The following SNED1 variants were observed in gnomAD, a reference collection of about 807,000 sequenced individuals.
SNED1 encodes sushi, nidogen and EGF-like domain-containing protein 1.
SNED1 carries 81 observed loss-of-function variants against 166.7 expected under a neutral mutation model. The ratio of observed to expected loss-of-function variants is 0.49; its 90% CI spans 0.41 to 0.58. The LOEUF is 0.58. Ranked by LOEUF, SNED1 falls within the 20% of genes least tolerant of loss-of-function variation. The pLI is 0.00. For missense variants in SNED1, 1,604 were observed against 2,000.2 expected (o/e 0.80, Z 3.78); for synonymous variants, 762 against 822.0 (o/e 0.93, Z 1.25).
At chr2:241,067,096 G>A (rs1335890938) in intron 21 of SNED1, among the ~76,000 whole-genome samples, 1 of 152,244 alleles carries the variant, frequency 6.6e-6, no homozygotes, top group Non-Finnish European at 1.5e-5. Context: ...GCCCTCGGAA[G>A]GTATCTGGAG....
intron 6 of SNED1, among the ~76,000 whole-genome samples, chr2:241,038,560 C>T (rs1403869091): frequency 6.6e-6 from 1 of 152,220 alleles, no homozygotes; most frequent in African/African-American, 2.4e-5. Context: ...CCCAGTTATC[C>T]CTTGCTCCCC....
At chr2:241,055,308 C>A (rs1374940689) in intron 16 of SNED1, among the ~76,000 whole-genome samples, 1 of 152,046 alleles carries the variant, frequency 6.6e-6, no homozygotes, top group East Asian at 1.9e-4. Context: ...AAAGGGGAAA[C>A]AAACACCAGA....
chr2:241,037,895 G>C (rs1293177360), intron 6 of SNED1, among the ~76,000 whole-genome samples: 1 of 152,178 alleles, frequency 6.6e-6, no homozygotes, highest in Non-Finnish European at 1.5e-5. Flanking sequence ...GGTGGGGCCT[G>C]GAGTCCCTCT....
At chr2:241,067,698 T>C in intron 21 of SNED1, 66 bp from the exon 22 acceptor site, 1 of 1,405,972 alleles carries the variant, frequency 7.1e-7, no homozygotes, top group Non-Finnish European at 9.8e-7. Flanking sequence ...GGTTTCATCT[T>C]GAGCCCCTGC....
At chr2:241,072,142 G>C in intron 26 of SNED1, 1 of 688,730 alleles carries the variant, frequency 1.5e-6, no homozygotes, top group South Asian at 1.5e-5. Flanking sequence ...GCACGCAAGA[G>C]AAGATAAACA....
intron 1 of SNED1, among the ~76,000 whole-genome samples, chr2:241,026,128 G>C (rs2060962221): frequency 7.1e-6 from 1 of 141,242 alleles, no homozygotes; most frequent in Non-Finnish European, 1.5e-5. Context: ...CAATTCTCCT[G>C]CCTCAGCCTC....
intron 4 of SNED1, among the ~76,000 whole-genome samples, chr2:241,036,416 G>A (rs1027671427): frequency 6.3e-4 from 96 of 152,104 alleles, no homozygotes; most frequent in Non-Finnish European, 1.1e-3. Flanking sequence ...CTGACATGAC[G>A]GCTGAGTGCC....
At position 241,018,666 on chromosome 2, in the gene SNED1, G is replaced by A. The variant is rs990616858; in HGVS notation, c.214-11618G>A. ...AAGGCCAGCAGGAGCACCCGTGTGA[G>A]AGCCACAGAGACGCCCTGCTCCCAG... On this transcript the variant is annotated intron_variant, in intron 1 of 31. Coordinates refer to ENST00000310397, the MANE Select transcript of SNED1 (RefSeq NM_001080437.3). This position sits in a 1 kb window ranked among gnomAD's most constrained non-coding sequence, Gnocchi z 5.4. 6.6e-6 allele frequency among the ~76,000 whole-genome samples: 1 copy of A among 152,172 alleles called. No homozygotes were observed. Among genetic ancestry groups the A allele is most frequent in the East Asian group, 1.9e-4 (1 of 5,188 alleles).
intron 12 of SNED1, 47 bp downstream of exon 12, chr2:241,049,980 C>T (rs1374144373): frequency 1.4e-6 from 2 of 1,408,280 alleles, no homozygotes; most frequent in African/African-American, 2.8e-5. Context: ...CCCTGGAGAG[C>T]GCCCGCGGTC....
chr2:241,079,331 G>C (rs1172243435), intron 27 of SNED1, among the ~76,000 whole-genome samples: 1 of 150,378 alleles, frequency 6.6e-6, no homozygotes, highest in Admixed American at 6.6e-5. Flanking sequence ...AGAATGGCAT[G>C]AACCCAGGAG....
Position 241,036,832 on chromosome 2 carries a change from A to G in SNED1, c.848A>G (p.Lys283Arg). 2 of 1,611,198 alleles carry G rather than the reference A, an allele frequency of 1.2e-6. No homozygotes were observed. The highest frequency in any genetic ancestry group is 2.2e-5 in the South Asian group (2 of 91,072). Residue 283 changes from lysine (K) to arginine (R), a missense_variant, in exon 5 of 32, where the codon AAG becomes AGG. Lys to Arg is a conservative substitution (Grantham distance 26). Transcript: ENST00000310397. Reference protein sequence around the residue: ...LALRPCLNGGKCIDDCVTGNP... With the variant: ...LALRPCLNGGRCIDDCVTGNP... ...CTGCGCCCCTGCCTCAACGGCGGCA[A>G]GTGCATCGACGACTGCGTCACGGGC...
At chr2:241,049,756 T>A in intron 11 of SNED1, 61 bp from the exon 12 acceptor site, 1 of 1,356,550 alleles carries the variant, frequency 7.4e-7, no homozygotes, top group Non-Finnish European at 1.1e-6. Context: ...CCCGCCAGCC[T>A]CTTGCCGCCC....
intron 27 of SNED1, among the ~76,000 whole-genome samples, chr2:241,077,262 C>G (rs553253690): frequency 6.6e-6 from 1 of 152,128 alleles, no homozygotes; most frequent in African/African-American, 2.4e-5. Flanking sequence ...TACCTCATAA[C>G]ACAAATTACC....
chr2:241,009,683 G>A (rs34478768), intron 1 of SNED1, among the ~76,000 whole-genome samples: 24,109 of 152,122 alleles, frequency 0.16, 2,355 homozygotes, highest in Non-Finnish European at 0.22. Context: ...TCCCCTGTCC[G>A]GGGGCGCTGA....
In SNED1 at chr2:241,081,585, A is replaced by ATCACG. The variant is rs1553593861; in HGVS notation, c.3917-89_3917-88insCGTCA. The ATCACG allele has an allele frequency of 3.2e-6, 3 of 927,266 alleles. No homozygotes were observed. In the African/African-American group the frequency reaches 5.2e-5, roughly 16 times the overall value. 57.4% of individuals were successfully genotyped at this position (927,266 alleles called of 1,614,324 possible). On this transcript the variant is annotated intron_variant, in intron 27 of 31. Coordinates refer to ENST00000310397, the MANE Select transcript of SNED1 (RefSeq NM_001080437.3). ...ACAGAGGAGTGCACGGCCACCCTGC[A>ATCACG]TCAGGTCATCAAGGAAGGGACAGCA...
chr2:241,003,075 C>T (rs373750789), intron 1 of SNED1, among the ~76,000 whole-genome samples: 2 of 152,124 alleles, frequency 1.3e-5, no homozygotes, highest in Admixed American at 6.5e-5. Context: ...GATCCTGTCT[C>T]TCCTCGCCAG....
chr2:241,032,544 G>GT (rs1183280343), intron 2 of SNED1, among the ~76,000 whole-genome samples: 2 of 151,810 alleles, frequency 1.3e-5, no homozygotes, highest in Non-Finnish European at 2.9e-5. Context: ...AAATGACTAG[G>GT]TAATGGGTGC....
rs376747626 is a variant in SNED1, at chr2:241,093,341, C to T, written c.*1705C>T. The T allele has an allele frequency of 1.3e-5, 2 of 152,666 alleles. No individual in the cohort carries two copies. Among genetic ancestry groups the T allele is most frequent in the East Asian group, 3.8e-4 (2 of 5,198 alleles). 9.5% of individuals were successfully genotyped at this position (152,666 alleles called of 1,614,324 possible). ...CAGCATTACTAGCAGATGCTAAGAT[C>T]GAGTGATATCACTGGAAAAGTAGGT... On this transcript the variant is annotated 3_prime_UTR_variant, in exon 32 of 32. Coordinates refer to ENST00000310397, the MANE Select transcript of SNED1 (RefSeq NM_001080437.3).
At position 241,073,509 on chromosome 2, in the gene SNED1, G is replaced by A. The variant is rs572508148; in HGVS notation, c.3916+145G>A. ...GGGGAGGCTGAGCACCAGGCACCCCGGTGTGGGAAGATGGGGTGAAGCTAC... is the reference window on the plus strand; with the variant it reads ...GGGGAGGCTGAGCACCAGGCACCCCAGTGTGGGAAGATGGGGTGAAGCTAC... On this transcript the variant is annotated intron_variant, in intron 27 of 31. Transcript: ENST00000310397. This position sits in a 1 kb window ranked among gnomAD's most constrained non-coding sequence, Gnocchi z 6.6. The A allele has an allele frequency of 2.5e-3, 1,726 of 703,790 alleles. 21 individuals are homozygous for A. The highest frequency in any genetic ancestry group is 0.016 in the South Asian group (966 of 60,866). The allele number at this position is 703,790 out of a possible 1,614,324, so 43.6% of individuals were successfully genotyped here.
Sources: gnomAD v4.1 joint callset for allele counts (sites outside exome capture counted in the v4.1 genomes callset) on GRCh38, gnomAD v4.1.1 for gene constraint, Gnocchi (gnomAD v3.1) non-coding constraint, MANE v1.5 for transcripts, NCBI Gene and HGNC (gene_info 2026-07-23, HGNC 2026-07-21) for gene names.